The following DLG3 variants were observed in gnomAD, a reference collection of about 807,000 sequenced individuals.
The protein encoded by DLG3 is disks large homolog 3.
Under a neutral mutation model 64.1 loss-of-function variants are expected in DLG3, and 1 was observed. The observed-to-expected ratio is 0.02, with a 90% CI of 0.01 to 0.07. The LOEUF (loss-of-function observed/expected upper bound fraction) is 0.07, where lower values mean the gene tolerates loss of function less well. DLG3 is among the 10% of genes least tolerant of loss of function. The pLI is 1.00. For missense variants in DLG3, 429 were observed against 669.5 expected, an observed-to-expected ratio of 0.64 and a Z score of 3.96; for synonymous variants, 245 against 259.8, an observed-to-expected ratio of 0.94 and a Z score of 0.55.
rs760217541 is a variant in DLG3, at chrX:70,445,394, G to A, written c.193G>A (p.Ala65Thr). 8.5e-6 allele frequency: 10 copies of A among 1,183,133 alleles called. No homozygotes were observed. In the East Asian group the frequency reaches 3.1e-4, roughly 37 times the overall value. The change falls in exon 1 of 19, where the codon GCC (alanine) becomes ACC (threonine). Residue 65 changes from alanine (A) to threonine (T), a missense_variant. Around this residue, in one of 9 missense-constraint regions of DLG3, gnomAD observed 123 missense variants for 113.3 expected, o/e 1.09. Coordinates refer to ENST00000374360, the MANE Select transcript of DLG3 (RefSeq NM_021120.4). Reference protein sequence around the residue: ...SSQTLPSQAGATPTPRTKAKL... With the variant: ...SSQTLPSQAGTTPTPRTKAKL... ...GCAGACCTTGCCCTCGCAGGCGGGGGCCACCCCCACCCCTCGCACCAAGGC... is the reference window on the plus strand; with the variant it reads ...GCAGACCTTGCCCTCGCAGGCGGGGACCACCCCCACCCCTCGCACCAAGGC...
rs184901211 is a variant in DLG3, at chrX:70,490,159, G to A, written c.1521-1948G>A. On this transcript the variant is annotated intron_variant, in intron 10 of 18. Coordinates refer to ENST00000374360, the MANE Select transcript of DLG3 (RefSeq NM_021120.4). ...ATTACAGACGTGAGCCACCGCGCCC[G>A]GCCTCCTAAATTCATTTTAACATCT... Among the ~76,000 whole-genome samples, 37 of 112,099 alleles carry A rather than the reference G, an allele frequency of 3.3e-4. No individual in the cohort carries two copies. In the South Asian group the frequency reaches 5.6e-3, roughly 17 times the overall value.
chrX:70,501,600 G>A (rs777426532), intron 18 of DLG3, among the ~76,000 whole-genome samples: 5 of 111,432 alleles, frequency 4.5e-5, no homozygotes, highest in Non-Finnish European at 7.5e-5. Flanking sequence ...ATTCATAAAT[G>A]TCCTCACACA....
chrX:70,462,256 T>C (rs1488979199), intron 9 of DLG3, among the ~76,000 whole-genome samples: 5 of 85,648 alleles, frequency 5.8e-5, no homozygotes, highest in Non-Finnish European at 1.1e-4. Context: ...TTTTTTTTTT[T>C]TTTTTTTTTT....
chrX:70,479,143 G>C lies in DLG3; in HGVS notation c.1406-7G>C. On this transcript the variant is annotated splice_polypyrimidine_tract_variant and splice_region_variant and intron_variant, in intron 9 of 18. Coordinates refer to ENST00000374360, the MANE Select transcript of DLG3 (RefSeq NM_021120.4). The stretch of plus-strand genomic sequence containing the variant: ...TTTTCCCATCTTTTCCCTTGTTTCC[G>C]TGACAGAATACAGTCGCTTTGAATC... The C allele has an allele frequency of 2.5e-6, 3 of 1,197,601 alleles. No individual in the cohort carries two copies. Among genetic ancestry groups the C allele is most frequent in the Non-Finnish European group, 3.4e-6 (3 of 882,663 alleles).
Position 70,449,404 on chromosome X carries a change from C to T in DLG3, c.454C>T (p.Pro152Ser). The T allele has an allele frequency of 8.3e-7, 1 of 1,211,590 alleles. No homozygotes were observed. Among genetic ancestry groups the T allele is most frequent in the South Asian group, 1.8e-5 (1 of 56,977 alleles). The change falls in exon 3 of 19, where the codon CCC (proline) becomes TCC (serine). Residue 152 changes from proline (P) to serine (S), a missense_variant. Around this residue, in one of 9 missense-constraint regions of DLG3, gnomAD observed 73 missense variants for 158.5 expected, o/e 0.46. Transcript: ENST00000374360. ...GFSIAGGIDNPHVPDDPGIFI... is the reference protein window; with the variant it reads ...GFSIAGGIDNSHVPDDPGIFI... ...CAGTATCGCAGGTGGCATCGACAAT[C>T]CCCATGTCCCTGATGACCCTGGCAT...
chrX:70,486,025 GAAGATGAGCTC>G (rs1484282664), intron 10 of DLG3, among the ~76,000 whole-genome samples: 2 of 111,418 alleles, frequency 1.8e-5, no homozygotes, highest in Non-Finnish European at 3.8e-5. Flanking sequence ...CTAGAGTGCT[GAAGATGAGCTC>G]AAGAACTCAA....
chrX:70,454,124 G>A (rs1466108000), intron 8 of DLG3, 90 bp from the exon 9 acceptor site: 1 of 810,063 alleles, frequency 1.2e-6, no homozygotes, highest in South Asian at 2.3e-5. Flanking sequence ...AGGCTTAGGG[G>A]TGGGGTACCC....
At chrX:70,476,536 T>C (rs1053077535) in intron 9 of DLG3, among the ~76,000 whole-genome samples, 6 of 112,118 alleles carry the variant, frequency 5.4e-5, no homozygotes, top group African/African-American at 1.9e-4. Flanking sequence ...TTCTAAACAG[T>C]TTTTTGTTAG....
chrX:70,497,897 G>C (rs1329983035), intron 13 of DLG3, among the ~76,000 whole-genome samples: 1 of 111,986 alleles, frequency 8.9e-6, no homozygotes, highest in African/African-American at 3.2e-5. Context: ...CCAGCACCGA[G>C]TGGCTTGACG....
At chrX:70,492,484 C>CTG in intron 11 of DLG3, 37 bp from the exon 12 acceptor site, 1 of 1,188,909 alleles carries the variant, frequency 8.4e-7, no homozygotes, top group Admixed American at 2.2e-5. Flanking sequence ...AGACCATTTA[C>CTG]TGGCAGTAAC....
At chrX:70,457,574 C>CTT (rs61405424) in intron 9 of DLG3, among the ~76,000 whole-genome samples, 6 of 99,622 alleles carry the variant, frequency 6.0e-5, no homozygotes, top group South Asian at 9.1e-4. Flanking sequence ...CGTTTTAGGA[C>CTT]TTTTTTTTTT....
chrX:70,479,401 G>T, intron 10 of DLG3, 137 bp downstream of exon 10: 1 of 533,082 alleles, frequency 1.9e-6, no homozygotes, highest in Non-Finnish European at 3.3e-6. Flanking sequence ...TGTATGCTTA[G>T]GTTGTGTATT....
rs759842934 is a variant in DLG3, at chrX:70,479,220, G to T, written c.1476G>T (p.Gly492=). ...EQMMNSSMSS[G]SGSLRTSEKR... ...TGATGAACAGCAGCATGAGCTCTGG[G>T]TCTGGGTCCCTCCGAACAAGTGAAA... is the stretch of plus-strand genomic sequence containing the variant. Residue 492 remains glycine, a synonymous_variant, in exon 10 of 19, where the codon GGG becomes GGT. Transcript: ENST00000374360. 2 of 1,211,759 alleles carry T rather than the reference G, an allele frequency of 1.7e-6. No individual in the cohort carries two copies. The highest frequency in any genetic ancestry group is 2.2e-6 in the Non-Finnish European group (2 of 895,262).
At position 70,503,842 on chromosome X, in the gene DLG3, C is replaced by A. The variant is rs913337652; in HGVS notation, c.*1573C>A. On this transcript the variant is annotated 3_prime_UTR_variant, in exon 19 of 19. Coordinates refer to ENST00000374360, the MANE Select transcript of DLG3 (RefSeq NM_021120.4). Reference sequence around the variant, plus strand: ...CAGCAGGTGTGGTTCAGGTCCCCCCCCACCCCACTGTGCTCCTTTGAAGCC... The same window carrying A: ...CAGCAGGTGTGGTTCAGGTCCCCCCACACCCCACTGTGCTCCTTTGAAGCC... The A allele has an allele frequency of 9.0e-6, 1 of 111,036 alleles. No individual in the cohort carries two copies. Among genetic ancestry groups the A allele is most frequent in the African/African-American group, 3.3e-5 (1 of 30,386 alleles). 9.2% of individuals were successfully genotyped at this position (111,036 alleles called of 1,213,427 possible). A position where few individuals can be genotyped will look rare whatever the true frequency, so the allele number is the denominator to read the frequency against.
In DLG3 at chrX:70,453,033, T is replaced by C. The variant is rs754935794; in HGVS notation, c.1146-604T>C. The C allele has an allele frequency of 3.5e-5, 9 of 258,554 alleles. No homozygotes were observed. In the South Asian group the frequency reaches 1.4e-3, roughly 40 times the overall value. The allele number at this position is 258,554 out of a possible 1,213,427, so 21.3% of individuals were successfully genotyped here. ...CTTCAGTTTGGATTCTAAACTCCTT[T>C]TGGGGACCTGGGATCCCCCTAAGAA... On this transcript the variant is annotated intron_variant, in intron 7 of 18. Transcript: ENST00000374360.
chrX:70,445,336 C>A lies in DLG3; in HGVS notation c.135C>A (p.Asn45Lys). Residue 45 changes from asparagine to lysine, a missense_variant, in exon 1 of 19, where the codon AAC becomes AAA. By Grantham distance (94) the Asn-to-Lys change is moderately conservative (BLOSUM62 0). Coordinates refer to ENST00000374360, the MANE Select transcript of DLG3 (RefSeq NM_021120.4). ...ACCCTTACGGGCCAGGTGGGGGCAA[C>A]GGCGCCAGCGCGGGTTATGGGGGCT... ...VPDPYGPGGG[N>K]GASAGYGGYS... is the part of the protein sequence containing the mutation. 1 of 1,169,006 alleles carries A rather than the reference C, an allele frequency of 8.6e-7. No individual in the cohort carries two copies. The highest frequency in any genetic ancestry group is 1.1e-6 in the Non-Finnish European group (1 of 875,510).
At chrX:70,454,650 G>C (rs2086670434) in intron 9 of DLG3, among the ~76,000 whole-genome samples, 1 of 112,121 alleles carries the variant, frequency 8.9e-6, no homozygotes, top group Non-Finnish European at 1.9e-5. Flanking sequence ...TGGGAACTGT[G>C]TGCCCTGGAA....
At chrX:70,476,631 A>C (rs1159079340) in intron 9 of DLG3, among the ~76,000 whole-genome samples, 1 of 112,597 alleles carries the variant, frequency 8.9e-6, no homozygotes, top group Admixed American at 9.4e-5. Flanking sequence ...TAAAAATAAT[A>C]AACCCCAATT....
chrX:70,463,866 G>T (rs1348028265), intron 9 of DLG3, among the ~76,000 whole-genome samples: 1 of 111,307 alleles, frequency 9.0e-6, no homozygotes, highest in East Asian at 2.8e-4. Context: ...TTTCCTATTT[G>T]TACCTGGACT....
Sources: gnomAD v4.1 joint callset for allele counts (sites outside exome capture counted in the v4.1 genomes callset) on GRCh38, gnomAD v4.1.1 for gene constraint, gnomAD v4.1.1 regional missense constraint, MANE v1.5 for transcripts, NCBI Gene and HGNC (gene_info 2026-07-23, HGNC 2026-07-21) for gene names.